Variants in AP3B1 observed in about 807,000 individuals in gnomAD.
AP3B1 encodes AP-3 complex subunit beta-1.
A neutral mutation model predicts 132.5 loss-of-function variants in AP3B1; 61 were observed. The observed-to-expected ratio is 0.46, with a 90% CI of 0.37 to 0.57. The LOEUF (loss-of-function observed/expected upper bound fraction) is 0.57. Among genes scored for constraint, AP3B1 ranks in the 20% least tolerant of loss-of-function variants. AP3B1 has a pLI of 0.00. For missense variants in AP3B1, 1,120 were observed against 1,289.4 expected (o/e 0.87, Z 2.01); for synonymous variants, 388 against 438.3 (o/e 0.89, Z 1.43).
intron 17 of AP3B1, among the ~76,000 whole-genome samples, chr5:78,127,367 G>T (rs182803395): frequency 5.9e-4 from 90 of 152,028 alleles, no homozygotes; most frequent in African/African-American, 2.1e-3. Flanking sequence ...CAATTAGAAG[G>T]CCTCTCTCAC....
At chr5:78,134,266 C>A (rs1006270320) in intron 15 of AP3B1, among the ~76,000 whole-genome samples, 1 of 151,316 alleles carries the variant, frequency 6.6e-6, no homozygotes, top group Admixed American at 6.6e-5. Context: ...TAAGTCAGTA[C>A]AAATAACTAA....
chr5:78,265,120 TA>T (rs1333324750), intron 2 of AP3B1, among the ~76,000 whole-genome samples: 2 of 152,158 alleles, frequency 1.3e-5, no homozygotes, highest in Non-Finnish European at 2.9e-5. Context: ...TAGTATACTA[TA>T]ACTTAAAACG....
At chr5:78,136,690 C>T (rs1284513360) in intron 15 of AP3B1, among the ~76,000 whole-genome samples, 1 of 151,438 alleles carries the variant, frequency 6.6e-6, no homozygotes, top group Non-Finnish European at 1.5e-5. Context: ...ATTTGTTAAC[C>T]ATTTAACACG....
intron 12 of AP3B1, among the ~76,000 whole-genome samples, chr5:78,163,720 CA>C (rs1018756629): frequency 2.7e-5 from 4 of 150,352 alleles, no homozygotes; most frequent in Non-Finnish European, 4.4e-5. Flanking sequence ...ACTGATTTAA[CA>C]ACAGGAAGTT....
At chr5:78,084,521 C>CAAAAAAAAAAAAAAA (rs568637894) in intron 22 of AP3B1, among the ~76,000 whole-genome samples, 12 of 43,896 alleles carry the variant, frequency 2.7e-4, no homozygotes, top group East Asian at 1.9e-3. Flanking sequence ...CAGACCCTGT[C>CAAAAAAAAAAAAAAA]AAAAAAAAAA....
At chr5:78,153,474 C>T (rs1420667686) in intron 14 of AP3B1, among the ~76,000 whole-genome samples, 1 of 151,764 alleles carries the variant, frequency 6.6e-6, no homozygotes, top group Non-Finnish European at 1.5e-5. Flanking sequence ...TTGTAGGCAC[C>T]AGATCATTAG....
At chr5:78,077,216 G>GCCTT (rs1305844757) in intron 22 of AP3B1, among the ~76,000 whole-genome samples, 3 of 152,090 alleles carry the variant, frequency 2.0e-5, no homozygotes, top group Non-Finnish European at 4.4e-5. Flanking sequence ...TTCTTAATGA[G>GCCTT]CCTTCCTGTA....
intron 2 of AP3B1, among the ~76,000 whole-genome samples, chr5:78,260,983 A>T (rs1304694835): frequency 4.6e-5 from 7 of 152,260 alleles, no homozygotes; most frequent in South Asian, 2.1e-4. Flanking sequence ...TCCATTGCAC[A>T]GATGTACCAC....
intron 20 of AP3B1, among the ~76,000 whole-genome samples, chr5:78,106,462 A>AAAAG (rs140246615): frequency 0.17 from 26,341 of 151,180 alleles, 2,795 homozygotes; most frequent in Admixed American, 0.28. Context: ...TGTCTCAAAA[A>AAAAG]AAAGAAAGAA....
chr5:78,122,457 A>G (rs1335689119), intron 17 of AP3B1, among the ~76,000 whole-genome samples: 1 of 152,240 alleles, frequency 6.6e-6, no homozygotes, highest in Non-Finnish European at 1.5e-5. Context: ...CCATCGTCTC[A>G]GCCCAAAATC....
chr5:78,124,646 A>G (rs76178619), intron 17 of AP3B1, among the ~76,000 whole-genome samples: 2,409 of 152,286 alleles, frequency 0.016, 62 homozygotes, highest in African/African-American at 0.053. Context: ...GCTTAAAAAG[A>G]GAAGCTTGAA....
intron 22 of AP3B1, among the ~76,000 whole-genome samples, chr5:78,062,860 G>A (rs909849047): frequency 5.9e-5 from 9 of 152,242 alleles, no homozygotes; most frequent in South Asian, 4.2e-4. Context: ...GCGAGGTGCC[G>A]TATGAGAGAT....
intron 21 of AP3B1, among the ~76,000 whole-genome samples, chr5:78,100,409 G>T (rs1190250648): frequency 6.6e-6 from 1 of 152,126 alleles, no homozygotes; most frequent in South Asian, 2.1e-4. Context: ...GTACACTTGG[G>T]TGAATATATT....
At chr5:78,139,484 A>C (rs929096259) in intron 15 of AP3B1, among the ~76,000 whole-genome samples, 1 of 152,244 alleles carries the variant, frequency 6.6e-6, no homozygotes, top group Non-Finnish European at 1.5e-5. Flanking sequence ...GAAAGGATTA[A>C]CTGATTCCTT....
chr5:78,184,885 G>A (rs1301138815), intron 7 of AP3B1, among the ~76,000 whole-genome samples: 1 of 151,914 alleles, frequency 6.6e-6, no homozygotes, highest in Non-Finnish European at 1.5e-5. Flanking sequence ...ACCCTAAACA[G>A]GATTAAACCC....
At chr5:78,198,394 G>T (rs1745155148) in intron 7 of AP3B1, among the ~76,000 whole-genome samples, 1 of 152,092 alleles carries the variant, frequency 6.6e-6, no homozygotes, top group Admixed American at 6.6e-5. Context: ...ACAGTTCTCG[G>T]GGCTGAAAAG....
chr5:78,077,666 T>C (rs1749819946), intron 22 of AP3B1, among the ~76,000 whole-genome samples: 1 of 147,930 alleles, frequency 6.8e-6, no homozygotes. Context: ...TCAGGTATAC[T>C]AGTTCCTCTT....
chr5:78,023,363 G>T (rs1747184718), intron 24 of AP3B1, among the ~76,000 whole-genome samples: 1 of 152,060 alleles, frequency 6.6e-6, no homozygotes, highest in African/African-American at 2.4e-5. Flanking sequence ...GATTGCTTAA[G>T]CCCAGGAGTT....
intron 22 of AP3B1, among the ~76,000 whole-genome samples, chr5:78,088,054 T>A (rs1308856454): frequency 1.3e-5 from 2 of 152,158 alleles, no homozygotes; most frequent in East Asian, 3.8e-4. Context: ...ACATCTGATA[T>A]CAGGGCCCAA....
Sources: gnomAD v4.1 joint callset for allele counts (sites outside exome capture counted in the v4.1 genomes callset) on GRCh38, gnomAD v4.1.1 for gene constraint, MANE v1.5 for transcripts, NCBI Gene and HGNC (gene_info 2026-07-23, HGNC 2026-07-21) for gene names.